CCDC178: variants seen among roughly 807,000 people sequenced by gnomAD.
The protein encoded by CCDC178 is coiled-coil domain containing 178.
CCDC178 carries 126 observed loss-of-function variants against 117.4 expected under a neutral mutation model. The ratio of observed to expected loss-of-function variants is 1.07; its 90% CI spans 0.93 to 1.24. The LOEUF is 1.24. CCDC178 is among the 50% of genes most tolerant of loss of function. The pLI, the probability that CCDC178 is intolerant of heterozygous loss-of-function variation, is 0.00. For missense variants in CCDC178, 1,030 were observed against 986.9 expected (o/e 1.04, Z -0.59); for synonymous variants, 283 against 313.4 (o/e 0.90, Z 1.02).
At chr18:33,220,350 C>A (rs1016533323) in intron 18 of CCDC178, among the ~76,000 whole-genome samples, 1 of 152,008 alleles carries the variant, frequency 6.6e-6, no homozygotes, top group Non-Finnish European at 1.5e-5. Flanking sequence ...AATAGAAAAT[C>A]CAGAATAGTC....
At chr18:33,387,498 G>C (rs2063509400) in intron 5 of CCDC178, among the ~76,000 whole-genome samples, 1 of 152,058 alleles carries the variant, frequency 6.6e-6, no homozygotes, top group Non-Finnish European at 1.5e-5. Flanking sequence ...GCATGGTACT[G>C]GTACAAAAAC....
Position 33,113,123 on chromosome 18 carries a change from A to T in CCDC178, c.2239-20213T>A, listed in dbSNP as rs368386563. Among the ~76,000 whole-genome samples, 32 of 152,160 alleles carry T rather than the reference A, an allele frequency of 2.1e-4. No individual in the cohort carries two copies. In the East Asian group the frequency reaches 4.1e-3, roughly 19 times the overall value. Reference sequence around the variant, plus strand: ...GGACTATCCAATGACAAAAGAAAACACATGCTCAATTAAGATTAAAAGTCT... The same window carrying T: ...GGACTATCCAATGACAAAAGAAAACTCATGCTCAATTAAGATTAAAAGTCT... On this transcript the variant is annotated intron_variant, in intron 20 of 22. Transcript: ENST00000383096.
intron 20 of CCDC178, among the ~76,000 whole-genome samples, chr18:33,124,494 A>G (rs1278544389): frequency 6.6e-6 from 1 of 152,114 alleles, no homozygotes; most frequent in Non-Finnish European, 1.5e-5. Flanking sequence ...AAGCTCCTAA[A>G]TTATTTATTT....
rs147090589 is a variant in CCDC178 at position 33,363,658 on chromosome 18, T to C, written c.348+6392A>G. 3.6e-3 allele frequency among the ~76,000 whole-genome samples: 547 copies of C among 152,174 alleles called. 4 individuals carry two copies. Among genetic ancestry groups the C allele is most frequent in the African/African-American group, 0.012 (511 of 41,544 alleles). On this transcript the variant is annotated intron_variant, in intron 6 of 22. Coordinates refer to ENST00000383096, the MANE Select transcript of CCDC178 (RefSeq NM_001105528.4). Reference sequence around the variant, plus strand: ...TATTCTATCCCTTCTTCACTGTGTATACTAAGTATGCAGGAGCAGTATTTG... The same window carrying C: ...TATTCTATCCCTTCTTCACTGTGTACACTAAGTATGCAGGAGCAGTATTTG...
At position 33,389,535 on chromosome 18, in the gene CCDC178, C is replaced by T. The variant is rs904576216; in HGVS notation, c.208+5G>A. 1 of 1,443,780 alleles carries T rather than the reference C, an allele frequency of 6.9e-7. No homozygotes were observed. Among genetic ancestry groups the T allele is most frequent in the African/African-American group, 1.4e-5 (1 of 69,108 alleles). 89.4% of individuals were successfully genotyped at this position (1,443,780 alleles called of 1,614,324 possible). The stretch of plus-strand genomic sequence containing the variant: ...TTTACTATATGATTTACATTCAGTC[C>T]TCACCTTCAGTATTTGTCATTTTAC... On this transcript the variant is annotated splice_donor_5th_base_variant and intron_variant, in intron 5 of 22. Transcript: ENST00000383096.
rs184138030 is a variant in CCDC178, at chr18:33,348,812, G to A, written c.457+78C>T. ...TAAAATTCTTAAACATGATTATTGT[G>A]ACAATCAGAAATATATTAAATGAAG... is the stretch of plus-strand genomic sequence containing the variant. On this transcript the variant is annotated intron_variant, in intron 8 of 22. Coordinates refer to ENST00000383096, the MANE Select transcript of CCDC178 (RefSeq NM_001105528.4). The A allele has an allele frequency of 9.9e-5, 87 of 882,656 alleles. No individual in the cohort carries two copies. The African/African-American group carries it at 1.5e-3, about 15-fold the overall frequency. 54.7% of individuals were successfully genotyped at this position (882,656 alleles called of 1,614,324 possible).
At chr18:32,959,998 G>T (rs2054674554) in intron 22 of CCDC178, among the ~76,000 whole-genome samples, 1 of 151,972 alleles carries the variant, frequency 6.6e-6, no homozygotes, top group Admixed American at 6.6e-5. Flanking sequence ...AAAATCAAGG[G>T]AAGAAATACA....
intron 22 of CCDC178, among the ~76,000 whole-genome samples, chr18:32,972,512 G>C (rs2054949211): frequency 6.6e-6 from 1 of 151,966 alleles, no homozygotes; most frequent in African/African-American, 2.4e-5. Flanking sequence ...GCTATTTTTT[G>C]GTGCCATATG....
chr18:33,007,356 C>A (rs2055772985), intron 21 of CCDC178, among the ~76,000 whole-genome samples: 1 of 152,056 alleles, frequency 6.6e-6, no homozygotes, highest in South Asian at 2.1e-4. Flanking sequence ...AATACACTTT[C>A]TTTCATATGA....
At chr18:33,175,940 C>T (rs776196379) in intron 20 of CCDC178, among the ~76,000 whole-genome samples, 7 of 152,278 alleles carry the variant, frequency 4.6e-5, no homozygotes, top group South Asian at 2.1e-4. Flanking sequence ...CTTTTTCATA[C>T]TCTTCATAGA....
intron 21 of CCDC178, among the ~76,000 whole-genome samples, chr18:33,083,954 G>C (rs2057337883): frequency 6.6e-6 from 1 of 152,192 alleles, no homozygotes; most frequent in South Asian, 2.1e-4. Flanking sequence ...CATGGTTCAA[G>C]GTAGGATTTA....
At chr18:33,194,918 A>AAAAAAAAG (rs1555659378) in intron 20 of CCDC178, among the ~76,000 whole-genome samples, 25 of 144,308 alleles carry the variant, frequency 1.7e-4, no homozygotes, top group African/African-American at 6.5e-4. Flanking sequence ...AAAAAAAAAA[A>AAAAAAAAG]AGAGAGAGAG....
intron 20 of CCDC178, among the ~76,000 whole-genome samples, chr18:33,139,816 G>A (rs984559726): frequency 2.6e-5 from 4 of 152,102 alleles, no homozygotes; most frequent in Admixed American, 2.6e-4. Flanking sequence ...CGTAAGTAAC[G>A]AGAAGCCAAA....
intron 21 of CCDC178, among the ~76,000 whole-genome samples, chr18:32,994,810 A>G (rs774718111): frequency 8.5e-5 from 13 of 152,212 alleles, no homozygotes; most frequent in East Asian, 3.9e-4. Context: ...AGAGAATTCA[A>G]TGATGATTAT....
chr18:33,099,342 C>T (rs1224794169), intron 20 of CCDC178, among the ~76,000 whole-genome samples: 2 of 152,012 alleles, frequency 1.3e-5, no homozygotes, highest in Non-Finnish European at 2.9e-5. Flanking sequence ...CCCCACAGGC[C>T]TCTTATATGC....
intron 20 of CCDC178, among the ~76,000 whole-genome samples, chr18:33,113,310 A>G (rs998873848): frequency 6.6e-6 from 1 of 152,078 alleles, no homozygotes; most frequent in African/African-American, 2.4e-5. Flanking sequence ...CCTTTGAAAT[A>G]AAAACATGTG....
intron 5 of CCDC178, among the ~76,000 whole-genome samples, chr18:33,387,029 A>G (rs183353388): frequency 5.2e-4 from 79 of 152,314 alleles, no homozygotes; most frequent in Non-Finnish European, 1.0e-3. Flanking sequence ...CTCAGGATAC[A>G]AAATCAATGT....
chr18:32,989,034 T>G (rs2055332216), intron 21 of CCDC178, among the ~76,000 whole-genome samples: 1 of 152,116 alleles, frequency 6.6e-6, no homozygotes, highest in Non-Finnish European at 1.5e-5. Flanking sequence ...TTTCCAAGTT[T>G]TAAAGACACA....
chr18:33,188,414 T>C (rs1220388204), intron 20 of CCDC178, among the ~76,000 whole-genome samples: 1 of 152,124 alleles, frequency 6.6e-6, no homozygotes, highest in African/African-American at 2.4e-5. Context: ...ATGGAGATTA[T>C]CCTGGATTAT....
Sources: gnomAD v4.1 joint callset for allele counts (sites outside exome capture counted in the v4.1 genomes callset) on GRCh38, gnomAD v4.1.1 for gene constraint, MANE v1.5 for transcripts, NCBI Gene and HGNC (gene_info 2026-07-23, HGNC 2026-07-21) for gene names.